The following ABCB1 variants were observed in gnomAD, a reference collection of about 807,000 sequenced individuals.
ABCB1 encodes ATP binding cassette subfamily B member 1, also known as ATP-dependent translocase ABCB1.
In ABCB1, 69 loss-of-function variants were observed where a neutral mutation model predicts 142.0. The ratio of observed to expected loss-of-function variants is 0.49; its 90% CI spans 0.40 to 0.59. The LOEUF (loss-of-function observed/expected upper bound fraction) is 0.59. ABCB1 is among the 20% of genes least tolerant of loss of function. The probability of loss-of-function intolerance (pLI) is 0.00; values close to 1 mark genes in which losing one functional copy is unlikely to be tolerated. For synonymous variants in ABCB1, 532 were observed against 539.2 expected, an observed-to-expected ratio of 0.99 and a Z score of 0.18; for missense variants, 1,326 against 1,554.7, an observed-to-expected ratio of 0.85 and a Z score of 2.47.
In ABCB1 at chr7:87,683,644, G is replaced by A. The variant is rs564835650; in HGVS notation, c.-331+29517C>T. On this transcript the variant is annotated intron_variant, in intron 1 of 28. Coordinates refer to the ABCB1 transcript ENST00000265724. ...ATTTTATACAGGTGTGGTTCATGGC[G>A]CCCCAAAATTATTACAATAGTAACA... 5.3e-5 allele frequency among the ~76,000 whole-genome samples: 8 copies of A among 152,108 alleles called. 1 individual carries two copies. The highest frequency in any genetic ancestry group is 6.5e-5 in the Admixed American group (1 of 15,278).
At chr7:87,697,736 C>G (rs182974573) in intron 1 of ABCB1, among the ~76,000 whole-genome samples, 17 of 152,268 alleles carry the variant, frequency 1.1e-4, no homozygotes, top group African/African-American at 3.9e-4. Flanking sequence ...ATGATCACAT[C>G]TAATCCTTAC....
At chr7:87,641,804 G>A (rs562748471) in intron 1 of ABCB1, among the ~76,000 whole-genome samples, 20 of 152,226 alleles carry the variant, frequency 1.3e-4, no homozygotes, top group African/African-American at 4.6e-4. Context: ...CTCCAGTGAT[G>A]GTGATTGTCT....
At chr7:87,704,115 T>G (rs750028139) in intron 1 of ABCB1, among the ~76,000 whole-genome samples, 1 of 151,842 alleles carries the variant, frequency 6.6e-6, no homozygotes, top group African/African-American at 2.4e-5. Context: ...GATACAGGGT[T>G]TCACCATATT....
At chr7:87,507,903 T>C (rs1172604353) in intron 26 of ABCB1, among the ~76,000 whole-genome samples, 1 of 152,208 alleles carries the variant, frequency 6.6e-6, no homozygotes, top group Non-Finnish European at 1.5e-5. Flanking sequence ...AAATACTGCA[T>C]GTTCTCACTT....
At chr7:87,510,685 A>G (rs1368925268) in intron 25 of ABCB1, among the ~76,000 whole-genome samples, 1 of 152,194 alleles carries the variant, frequency 6.6e-6, no homozygotes, top group Non-Finnish European at 1.5e-5. Context: ...GCCTAGCAGT[A>G]GAGTACAATC....
At chr7:87,629,809 C>T (rs1262108125) in intron 1 of ABCB1, among the ~76,000 whole-genome samples, 4 of 151,624 alleles carry the variant, frequency 2.6e-5, no homozygotes, top group Non-Finnish European at 5.9e-5. Flanking sequence ...TCCTGTAATC[C>T]CAGCTACTCG....
chr7:87,581,308 G>A (rs998841729), intron 4 of ABCB1, among the ~76,000 whole-genome samples: 1 of 151,792 alleles, frequency 6.6e-6, no homozygotes, highest in Non-Finnish European at 1.5e-5. Flanking sequence ...CAACTGCCTG[G>A]ATGTCATTTT....
chr7:87,515,499 C>A, intron 24 of ABCB1, 71 bp from the exon 25 acceptor site: 1 of 1,373,426 alleles, frequency 7.3e-7, no homozygotes, highest in South Asian at 1.2e-5. Context: ...CTAACTCTCT[C>A]GATTACCAGG....
chr7:87,694,187 A>G (rs1230860601), intron 1 of ABCB1, among the ~76,000 whole-genome samples: 1 of 151,682 alleles, frequency 6.6e-6, no homozygotes, highest in African/African-American at 2.4e-5. Flanking sequence ...ATAATAACCT[A>G]TTTACTTTTT....
At chr7:87,622,820 C>T (rs962596118) in intron 1 of ABCB1, among the ~76,000 whole-genome samples, 7 of 151,854 alleles carry the variant, frequency 4.6e-5, no homozygotes, top group African/African-American at 7.3e-5. Flanking sequence ...CGCATGAGAC[C>T]GGGAGTTCAT....
intron 1 of ABCB1, chr7:87,629,107 G>A (rs1820930419): frequency 3.3e-6 from 2 of 612,476 alleles, no homozygotes; most frequent in Non-Finnish European, 4.9e-6. Context: ...CTTGGACAGG[G>A]GCCCGGGTCT....
chr7:87,707,692 T>TA (rs1554471921), intron 1 of ABCB1, among the ~76,000 whole-genome samples: 5 of 151,642 alleles, frequency 3.3e-5, no homozygotes, highest in Admixed American at 2.6e-4. Flanking sequence ...ATAAAATAAA[T>TA]AAATAAAATA....
Position 87,536,469 on chromosome 7 carries a change from G to A in ABCB1, c.2470C>T (p.Gln824Ter). Residue 824 changes from glutamine to a stop codon, truncating the protein, a stop_gained, in exon 20 of 28, where the codon CAA becomes TAA. Transcript: ENST00000622132. LOFTEE classifies it high-confidence loss of function. ...AAGGAGGCACGTACCCCTTTAACTTGAGCAGCATCATTGGCGAGCCTGGTA... is the reference window on the plus strand; with the variant it reads ...AAGGAGGCACGTACCCCTTTAACTTAAGCAGCATCATTGGCGAGCCTGGTA... Reference protein sequence around the residue: ...LTTRLANDAAQVKGAIGSRLA... With the variant: ...LTTRLANDAA 6.2e-7 allele frequency: 1 copy of A among 1,613,926 alleles called. No homozygotes were observed. The highest frequency in any genetic ancestry group is 8.5e-7 in the Non-Finnish European group (1 of 1,179,864).
At chr7:87,578,619 T>G (rs1172829441) in intron 4 of ABCB1, among the ~76,000 whole-genome samples, 1 of 152,154 alleles carries the variant, frequency 6.6e-6, no homozygotes, top group Non-Finnish European at 1.5e-5. Flanking sequence ...ATTGTAGAGA[T>G]CTCTCATTTA....
intron 1 of ABCB1, among the ~76,000 whole-genome samples, chr7:87,668,774 G>A (rs1376009437): frequency 6.6e-6 from 1 of 151,982 alleles, no homozygotes; most frequent in Non-Finnish European, 1.5e-5. Flanking sequence ...ATTTCTGTGT[G>A]ATTGCATGGT....
At chr7:87,679,371 G>A (rs1826697279) in intron 1 of ABCB1, among the ~76,000 whole-genome samples, 1 of 149,774 alleles carries the variant, frequency 6.7e-6, no homozygotes, top group African/African-American at 2.5e-5. Context: ...GGGATTACAA[G>A]TGTGAGCCAC....
At chr7:87,576,502 A>G (rs112524891) in intron 4 of ABCB1, among the ~76,000 whole-genome samples, 2,252 of 150,748 alleles carry the variant, frequency 0.015, 67 homozygotes, top group African/African-American at 0.051. Context: ...TATTAATCTC[A>G]TGTGTATTTA....
intron 1 of ABCB1, among the ~76,000 whole-genome samples, chr7:87,609,882 A>T (rs899703658): frequency 6.6e-6 from 1 of 152,200 alleles, no homozygotes; most frequent in African/African-American, 2.4e-5. Context: ...AGGAATTGCT[A>T]TTACAAGTTG....
At chr7:87,604,331 A>G (rs1252185491), upstream of ABCB1, among the ~76,000 whole-genome samples, 1 of 152,136 alleles carries the variant, frequency 6.6e-6, no homozygotes. Flanking sequence ...ACTCACCTCA[A>G]TGAAGTTAAT....
Sources: allele counts gnomAD v4.1 joint callset (sites outside exome capture counted in the v4.1 genomes callset), GRCh38; gene constraint gnomAD v4.1.1; transcripts MANE v1.5; gene names NCBI Gene and HGNC (gene_info 2026-07-23, HGNC 2026-07-21).